TCIRG1: variants seen among roughly 807,000 people sequenced by gnomAD.
TCIRG1 encodes the protein T cell immune regulator 1, ATPase H+ transporting V0 subunit a3, also known as V-type proton ATPase 116 kDa subunit a 3.
A neutral mutation model predicts 95.5 loss-of-function variants in TCIRG1; 86 were observed. The observed-to-expected ratio is 0.90, with a 90% CI of 0.76 to 1.08. The LOEUF (loss-of-function observed/expected upper bound fraction) is 1.08. Ranked by LOEUF, TCIRG1 falls within the 50% of genes least tolerant of loss-of-function variation. TCIRG1 has a pLI of 0.00. For missense variants in TCIRG1, 1,069 were observed against 1,140.2 expected (o/e 0.94, Z 0.90); for synonymous variants, 499 against 501.3 (o/e 1.00, Z 0.06).
At chr11:68,053,096 G>C (rs1307638574), downstream of TCIRG1, 1 of 152,528 alleles carries the variant, frequency 6.6e-6, no homozygotes. Flanking sequence ...GTAAGGGCCG[G>C]GAAACCGGGC....
At chr11:68,047,142 C>T in intron 10 of TCIRG1, 1 of 422,540 alleles carries the variant, frequency 2.4e-6, no homozygotes, top group Non-Finnish European at 4.4e-6. Context: ...TCCTGAGTAG[C>T]TGGGATTACA....
chr11:68,050,032 A>G lies in TCIRG1; in HGVS notation c.2084A>G (p.Lys695Arg). 6.2e-7 allele frequency: 1 copy of G among 1,613,382 alleles called. No individual in the cohort carries two copies. The highest frequency in any genetic ancestry group is 8.5e-7 in the Non-Finnish European group (1 of 1,179,924). The stretch of plus-strand genomic sequence containing the variant: ...AATGGCTGGAGCTCCGATGAGGAAA[A>G]GGCAGGGGGCCTGGATGATGAAGAG... ...SVNGWSSDEEKAGGLDDEEEA... is the reference protein window; with the variant it reads ...SVNGWSSDEERAGGLDDEEEA... Residue 695 changes from lysine (K) to arginine (R), a missense_variant, in exon 17 of 20, where the codon AAG becomes AGG. Coordinates refer to ENST00000265686, the MANE Select transcript of TCIRG1 (RefSeq NM_006019.4).
rs758554895 is a variant in TCIRG1, at chr11:68,044,866, G to C, written c.1021-92G>C. On this transcript the variant is annotated intron_variant, in intron 9 of 19. Coordinates refer to ENST00000265686, the MANE Select transcript of TCIRG1 (RefSeq NM_006019.4). ...GGGGCTGCCCAGTGAGCCCCCACAG[G>C]GCTCTACATCTCCAGCTGGGCCTGG... is the stretch of plus-strand genomic sequence containing the variant. 4 of 1,542,878 alleles carry C rather than the reference G, an allele frequency of 2.6e-6. No individual in the cohort carries two copies. The African/African-American group carries it at 4.1e-5, about 16-fold the overall frequency.
downstream of TCIRG1, chr11:68,050,940 G>A: frequency 8.5e-7 from 1 of 1,174,142 alleles, no homozygotes; most frequent in African/African-American, 1.5e-5. Flanking sequence ...GAGGCAGGTG[G>A]CAGGGTAGAA....
chr11:68,046,725 C>T (rs139767475), intron 10 of TCIRG1, among the ~76,000 whole-genome samples: 25 of 152,206 alleles, frequency 1.6e-4, no homozygotes, highest in African/African-American at 6.0e-4. Context: ...GATGGGAAGT[C>T]GAGACTTCAG....
intron 13 of TCIRG1, chr11:68,048,219 C>A: frequency 6.6e-6 from 4 of 602,582 alleles, no homozygotes; most frequent in Non-Finnish European, 1.2e-5. Flanking sequence ...CAAAGCGAGA[C>A]TGGACAGGAA....
At chr11:68,048,210 A>G (rs1215717567) in intron 13 of TCIRG1, 1 of 611,300 alleles carries the variant, frequency 1.6e-6, no homozygotes, top group African/African-American at 1.8e-5. Context: ...GTGCAGAGGC[A>G]AAGCGAGACT....
chr11:68,049,102 G>A lies in TCIRG1; in HGVS notation c.1695G>A (p.Arg565=), dbSNP rs2134460235. 6.2e-7 allele frequency: 1 copy of A among 1,613,622 alleles called. No homozygotes were observed. Among genetic ancestry groups the A allele is most frequent in the Non-Finnish European group, 8.5e-7 (1 of 1,180,016 alleles). ...CCAGGCACTTTGGCCAGAGGCACCG[G>A]CTGCTGCTGGAGACGCTGCCGGAGC... ...FNHVHFGQRH[R]LLLETLPELT... is the part of the protein sequence containing the mutation. The change falls in exon 15 of 20, where the codon CGG becomes CGA. Residue 565 remains arginine, a synonymous_variant. Transcript: ENST00000265686.
chr11:68,044,413 C>T (rs1855362455), intron 9 of TCIRG1, 69 bp downstream of exon 9: 4 of 1,297,692 alleles, frequency 3.1e-6, no homozygotes, highest in South Asian at 1.3e-5. Flanking sequence ...TTCTGCCTCA[C>T]TTCCAGCCTC....
At chr11:68,053,197 A>AG (rs1038374527), downstream of TCIRG1, 1 of 155,910 alleles carries the variant, frequency 6.4e-6, no homozygotes, top group Admixed American at 6.4e-5. Flanking sequence ...CCAAAGAGCT[A>AG]GGTCAAGCAG....
intron 5 of TCIRG1, 145 bp from the exon 6 acceptor site, chr11:68,043,226 G>A (rs1855267292): frequency 6.8e-7 from 1 of 1,474,922 alleles, no homozygotes; most frequent in Non-Finnish European, 9.0e-7. Flanking sequence ...GTCCTGCCCG[G>A]GAGGCCTCCT....
In TCIRG1 at chr11:68,041,397, GGTGGGCAGGC is replaced by G; in HGVS notation, c.117+15_117+24del. 1 of 1,597,378 alleles carries G rather than the reference GGTGGGCAGGC, an allele frequency of 6.3e-7. No homozygotes were observed. Among genetic ancestry groups the G allele is most frequent in the Non-Finnish European group, 8.6e-7 (1 of 1,166,534 alleles). On this transcript the variant is annotated intron_variant, in intron 2 of 19. Coordinates refer to ENST00000265686, the MANE Select transcript of TCIRG1 (RefSeq NM_006019.4). ...TCGTGGAGTTCAGAGACGTGAGTTG[GGTGGGCAGGC>G]GTGGGAAGGGGGCTACTGCCAAGGT...
Position 68,049,200 on chromosome 11 carries a change from C to T in TCIRG1, c.1793C>T (p.Ala598Val), listed in dbSNP as rs1188086312. 3 of 1,613,846 alleles carry T rather than the reference C, an allele frequency of 1.9e-6. No individual in the cohort carries two copies. The highest frequency in any genetic ancestry group is 2.2e-5 in the South Asian group (2 of 91,088). ...VIYKWLCVWA[A>V]RAASAPSILI... ...TACAAGTGGCTGTGTGTCTGGGCTG[C>T]CAGGGCCGCCTCGGCCCCCAGCATC... The change falls in exon 15 of 20, where the codon GCC becomes GTC. Residue 598 changes from alanine to valine, a missense_variant. By Grantham distance (64) the Ala-to-Val change is moderately conservative. Transcript: ENST00000265686.
chr11:68,049,021 G>T (rs775957478), intron 14 of TCIRG1, 24 bp downstream of exon 14: 4 of 1,613,068 alleles, frequency 2.5e-6, no homozygotes, highest in Non-Finnish European at 3.4e-6. Flanking sequence ...CTGCCCGGGG[G>T]ACGGGAGGCT....
At chr11:68,050,403 G>T in intron 18 of TCIRG1, 84 bp from the exon 19 acceptor site, 1 of 1,610,016 alleles carries the variant, frequency 6.2e-7, no homozygotes. Flanking sequence ...CCCCGTGCAG[G>T]GAGGGCTTCA....
Position 68,049,081 on chromosome 11 carries a change from G to A in TCIRG1, c.1674G>A (p.Val558=), listed in dbSNP as rs745971874. ...AGCACACCTCCCTCTTGCCCGCCAGGCACTTTGGCCAGAGGCACCGGCTGC... is the reference window on the plus strand; with the variant it reads ...AGCACACCTCCCTCTTGCCCGCCAGACACTTTGGCCAGAGGCACCGGCTGC... ...FGVVLGVFNH[V]HFGQRHRLLL... The change falls in exon 15 of 20, where the codon GTG becomes GTA. Residue 558 remains valine (V), a splice_region_variant and synonymous_variant. Coordinates refer to ENST00000265686, the MANE Select transcript of TCIRG1 (RefSeq NM_006019.4). The A allele has an allele frequency of 1.9e-6, 3 of 1,613,368 alleles. No homozygotes were observed. The highest frequency in any genetic ancestry group is 2.5e-6 in the Non-Finnish European group (3 of 1,180,000).
chr11:68,050,464 C>T, intron 18 of TCIRG1, 23 bp from the exon 19 acceptor site: 2 of 1,612,166 alleles, frequency 1.2e-6, no homozygotes, highest in Non-Finnish European at 1.7e-6. Context: ...GCCGTTGGCC[C>T]CCACTGTCTC....
chr11:68,042,962 C>T lies in TCIRG1; in HGVS notation c.434C>T (p.Thr145Ile), dbSNP rs767052351. 1 of 1,554,906 alleles carries T rather than the reference C, an allele frequency of 6.4e-7. No individual in the cohort carries two copies. The highest frequency in any genetic ancestry group is 8.7e-7 in the Non-Finnish European group (1 of 1,149,320). The change falls in exon 5 of 20, where the codon ACA (threonine) becomes ATA (isoleucine). Residue 145 changes from threonine (T) to isoleucine (I), a missense_variant. Transcript: ENST00000265686. ...GHEPQLAAAH[T>I]DGASERTPLL... ...GGTTCCTAGCTGGCAGCCGCCCACA[C>T]AGATGGGGCCTCAGAGAGGACGCCC...
At chr11:68,044,520 C>CCCAGCAAGCCCTACCCTGACTTT (rs1303097383) in intron 9 of TCIRG1, among the ~76,000 whole-genome samples, 176 bp downstream of exon 9, 12 of 152,210 alleles carry the variant, frequency 7.9e-5, no homozygotes, top group Non-Finnish European at 1.6e-4. Context: ...ATGGCCCTGG[C>CCCAGCAAGCCCTACCCTGACTTT]CCAGCAAGCC....
Sources: gnomAD v4.1 joint callset for allele counts (sites outside exome capture counted in the v4.1 genomes callset) on GRCh38, gnomAD v4.1.1 for gene constraint, MANE v1.5 for transcripts, NCBI Gene and HGNC (gene_info 2026-07-23, HGNC 2026-07-21) for gene names.